ZNF704: variants seen among roughly 807,000 people sequenced by gnomAD.
The protein encoded by ZNF704 is zinc finger protein 704.
ZNF704 carries 10 observed loss-of-function variants against 44.7 expected under a neutral mutation model. That is an observed-to-expected ratio of 0.22 (90% CI 0.14 to 0.38). The LOEUF (loss-of-function observed/expected upper bound fraction) is 0.38, where lower values mean the gene tolerates loss of function less well. Among genes scored for constraint, ZNF704 ranks in the 10% least tolerant of loss-of-function variants. The pLI is 1.00. For missense variants in ZNF704, 390 were observed against 545.5 expected, an observed-to-expected ratio of 0.71 and a Z score of 2.84; for synonymous variants, 211 against 207.6, an observed-to-expected ratio of 1.02 and a Z score of -0.14.
intron 2 of ZNF704, among the ~76,000 whole-genome samples, chr8:80,700,019 G>C (rs1413448117): frequency 6.6e-6 from 1 of 152,044 alleles, no homozygotes; most frequent in Non-Finnish European, 1.5e-5. Flanking sequence ...CCTCCCTTAG[G>C]AGACCATCTC....
chr8:80,669,471 A>G (rs947262749), intron 5 of ZNF704, among the ~76,000 whole-genome samples: 8 of 152,132 alleles, frequency 5.3e-5, no homozygotes, highest in African/African-American at 1.2e-4. Flanking sequence ...TGTGTCCCCA[A>G]ACATCAGCCT....
At chr8:80,855,040 T>C (rs1310629129) in intron 1 of ZNF704, among the ~76,000 whole-genome samples, 1 of 152,200 alleles carries the variant, frequency 6.6e-6, no homozygotes, top group African/African-American at 2.4e-5. Flanking sequence ...GTCTTTAAGT[T>C]ATTTAAAAAT....
chr8:80,847,302 C>T (rs1055031620), intron 1 of ZNF704, among the ~76,000 whole-genome samples: 7 of 152,054 alleles, frequency 4.6e-5, no homozygotes, highest in Non-Finnish European at 7.4e-5. Context: ...CTGAAAATTA[C>T]AAATTGTTGG....
At chr8:80,671,694 A>T (rs1214692230) in intron 4 of ZNF704, among the ~76,000 whole-genome samples, 1 of 152,162 alleles carries the variant, frequency 6.6e-6, no homozygotes, top group African/African-American at 2.4e-5. Flanking sequence ...GTGTTCACCA[A>T]GCCCCATTTC....
chr8:80,878,165 G>A (rs1299611447), upstream of ZNF704, among the ~76,000 whole-genome samples: 13 of 152,062 alleles, frequency 8.5e-5, no homozygotes, highest in South Asian at 2.7e-3. Flanking sequence ...GGTTTCTTCA[G>A]ATCTCCAGTG....
At chr8:80,755,345 C>T (rs1296437409) in intron 2 of ZNF704, among the ~76,000 whole-genome samples, 2 of 152,138 alleles carry the variant, frequency 1.3e-5, no homozygotes, top group East Asian at 1.9e-4. Flanking sequence ...ATCCCAGCTA[C>T]TCAGGAGGTT....
chr8:80,817,335 CCA>C (rs919108399), intron 2 of ZNF704, among the ~76,000 whole-genome samples: 15 of 152,196 alleles, frequency 9.9e-5, no homozygotes, highest in Admixed American at 5.9e-4. Context: ...TGCGCCAAGG[CCA>C]CAGCTCCCAC....
intron 1 of ZNF704, among the ~76,000 whole-genome samples, chr8:80,868,110 C>T (rs576862443): frequency 1.3e-5 from 2 of 152,224 alleles, no homozygotes; most frequent in South Asian, 2.1e-4. Flanking sequence ...TTGTATCCTT[C>T]TTATGTTTGA....
intron 1 of ZNF704, among the ~76,000 whole-genome samples, chr8:80,848,107 G>C (rs572386059): frequency 6.6e-6 from 1 of 152,278 alleles, no homozygotes; most frequent in South Asian, 2.1e-4. Context: ...GAATCTCAAA[G>C]GAATTATGGG....
chr8:80,694,284 G>A (rs867461285), intron 2 of ZNF704: 2 of 152,192 alleles, frequency 1.3e-5, no homozygotes, highest in Non-Finnish European at 2.9e-5. Flanking sequence ...GGTTGCTCTG[G>A]TTCATTAATT....
chr8:80,776,135 T>G (rs886806962), intron 2 of ZNF704, among the ~76,000 whole-genome samples: 1 of 151,502 alleles, frequency 6.6e-6, no homozygotes, highest in African/African-American at 2.4e-5. Flanking sequence ...TCACTTGCAG[T>G]GTTTCACTTC....
intron 2 of ZNF704, among the ~76,000 whole-genome samples, chr8:80,780,387 CA>C (rs1297828682): frequency 6.6e-6 from 1 of 152,100 alleles, no homozygotes; most frequent in Non-Finnish European, 1.5e-5. Flanking sequence ...ATGGAATCTT[CA>C]AGACTTGGAA....
chr8:80,777,530 G>T (rs1482563644), intron 2 of ZNF704, among the ~76,000 whole-genome samples: 2 of 152,018 alleles, frequency 1.3e-5, no homozygotes, highest in Non-Finnish European at 2.9e-5. Flanking sequence ...TTTTCTCTGT[G>T]TATCTTTATA....
In ZNF704 at chr8:80,687,280, G is replaced by T. The variant is rs1261243353; in HGVS notation, c.504C>A (p.Asp168Glu). 1 of 1,613,160 alleles carries T rather than the reference G, an allele frequency of 6.2e-7. No homozygotes were observed. The highest frequency in any genetic ancestry group is 8.5e-7 in the Non-Finnish European group (1 of 1,179,856). The change falls in exon 4 of 9, where the codon GAC becomes GAA. Residue 168 changes from aspartate to glutamate, a missense_variant. By Grantham distance (45) the Asp-to-Glu change is conservative. Coordinates refer to ENST00000327835, the MANE Select transcript of ZNF704 (RefSeq NM_001033723.3). ...AGAGCAGGTTGCTGGCCTCCGCCTC[G>T]TCGATGCCGTCGTCTGGCTGCGCGG... ...RSPAQPDDGI[D>E]EAEASNLLFD... is the part of the protein sequence containing the mutation.
At chr8:80,688,958 C>CAA (rs57878370) in intron 3 of ZNF704, among the ~76,000 whole-genome samples, 51 of 70,792 alleles carry the variant, frequency 7.2e-4, no homozygotes, top group Middle Eastern at 8.8e-3. Flanking sequence ...GACTCTGTCT[C>CAA]AAAAAAAAAA....
rs1362999335 is a variant in ZNF704, at chr8:80,634,772, G to A, written c.*6594C>T. The A allele has an allele frequency of 2.6e-5, 4 of 152,174 alleles. No individual in the cohort carries two copies. The highest frequency in any genetic ancestry group is 5.9e-5 in the Non-Finnish European group (4 of 68,048). The allele number at this position is 152,174 out of a possible 1,614,324, so 9.4% of individuals were successfully genotyped here. A position where few individuals can be genotyped will look rare whatever the true frequency, so the allele number is the denominator to read the frequency against. The stretch of plus-strand genomic sequence containing the variant: ...TTTACAGAACTTGCCTGGTCCTTCT[G>A]AGGCACTGACATTTGCAACCTCTCC... On this transcript the variant is annotated 3_prime_UTR_variant, in exon 9 of 9. Transcript: ENST00000327835.
chr8:80,819,786 G>A (rs921213378), intron 2 of ZNF704, among the ~76,000 whole-genome samples: 1 of 152,058 alleles, frequency 6.6e-6, no homozygotes, highest in Admixed American at 6.6e-5. Context: ...TAATGAATAC[G>A]TGAAAATTTT....
chr8:80,707,750 T>C (rs1393127963), intron 2 of ZNF704, among the ~76,000 whole-genome samples: 1 of 152,280 alleles, frequency 6.6e-6, no homozygotes, highest in Non-Finnish European at 1.5e-5. Flanking sequence ...ACAATGGTTC[T>C]CTTTTCTAGG....
At chr8:80,802,248 C>A (rs1807914535) in intron 2 of ZNF704, among the ~76,000 whole-genome samples, 1 of 147,426 alleles carries the variant, frequency 6.8e-6, no homozygotes, top group Non-Finnish European at 1.5e-5. Context: ...ATGAATTCTA[C>A]CAGAGGTACA....
Sources: allele counts gnomAD v4.1 joint callset (sites outside exome capture counted in the v4.1 genomes callset), GRCh38; gene constraint gnomAD v4.1.1; transcripts MANE v1.5; gene names NCBI Gene and HGNC (gene_info 2026-07-23, HGNC 2026-07-21).